The following DLG2 variants were observed in gnomAD, a reference collection of about 807,000 sequenced individuals.
DLG2 encodes the protein disks large homolog 2.
A neutral mutation model predicts 132.5 loss-of-function variants in DLG2; 45 were observed. That is an observed-to-expected ratio of 0.34 (90% CI 0.27 to 0.44). The LOEUF (loss-of-function observed/expected upper bound fraction) is 0.44, where lower values mean the gene tolerates loss of function less well. Ranked by LOEUF, DLG2 falls within the 20% of genes least tolerant of loss-of-function variation. DLG2 has a pLI of 1.00. For missense variants in DLG2, 1,045 were observed against 1,196.9 expected (o/e 0.87, Z 1.87); for synonymous variants, 424 against 419.6 (o/e 1.01, Z -0.13).
intron 3 of DLG2, among the ~76,000 whole-genome samples, chr11:85,591,260 T>C (rs1054224616): frequency 6.6e-6 from 1 of 152,208 alleles, no homozygotes; most frequent in Non-Finnish European, 1.5e-5. Context: ...TCACCACTCT[T>C]GTTTCTCAAC....
chr11:83,856,286 A>C (rs746589381), intron 16 of DLG2, among the ~76,000 whole-genome samples: 3 of 152,170 alleles, frequency 2.0e-5, no homozygotes, highest in Non-Finnish European at 2.9e-5. Flanking sequence ...ATAGTGCTGC[A>C]ATGAACATAT....
chr11:84,794,414 T>C (rs1449970842), intron 6 of DLG2, among the ~76,000 whole-genome samples: 2 of 152,094 alleles, frequency 1.3e-5, no homozygotes, highest in African/African-American at 4.8e-5. Flanking sequence ...CAGTGGGAGC[T>C]GGGAACAGGC....
intron 11 of DLG2, among the ~76,000 whole-genome samples, chr11:84,020,368 T>C (rs1266758867): frequency 1.3e-5 from 2 of 152,184 alleles, no homozygotes; most frequent in African/African-American, 2.4e-5. Context: ...ATACATGCAG[T>C]ATACATTCAT....
chr11:84,081,002 A>T lies in DLG2; in HGVS notation c.749+17921T>A, dbSNP rs940774085. ...AGCAAAACTCTGTCTCAAAAAAAAA[A>T]AAAAAGGCATTTTTGCTTCTTTTTT... On this transcript the variant is annotated intron_variant, in intron 10 of 27. Coordinates refer to ENST00000376104, the MANE Select transcript of DLG2 (RefSeq NM_001142699.3). 4.1e-4 allele frequency among the ~76,000 whole-genome samples: 62 copies of T among 152,268 alleles called. No individual in the cohort carries two copies. The East Asian group carries it at 0.011, about 26-fold the overall frequency.
intron 9 of DLG2, among the ~76,000 whole-genome samples, chr11:84,134,124 T>C (rs2094517072): frequency 6.6e-6 from 1 of 152,024 alleles, no homozygotes; most frequent in African/African-American, 2.4e-5. Flanking sequence ...CTCAAGGAGC[T>C]CTAGTTGAGC....
Position 84,995,830 on chromosome 11 carries a change from G to A in DLG2, c.357+115831C>T, listed in dbSNP as rs142631161. On this transcript the variant is annotated intron_variant, in intron 6 of 27. Transcript: ENST00000376104. ...GGCTGAAGCCAGGTCCTGGGAAATCGTTAGCAATACAGACTATTCTCCCTG... is the reference window on the plus strand; with the variant it reads ...GGCTGAAGCCAGGTCCTGGGAAATCATTAGCAATACAGACTATTCTCCCTG... Among the ~76,000 whole-genome samples the A allele has an allele frequency of 3.1e-3, 468 of 152,214 alleles. 1 individual carries two copies. Among genetic ancestry groups the A allele is most frequent in the Non-Finnish European group, 5.1e-3 (345 of 68,006 alleles).
chr11:83,829,921 G>A (rs149471310), intron 17 of DLG2, among the ~76,000 whole-genome samples: 2,283 of 152,002 alleles, frequency 0.015, 25 homozygotes, highest in South Asian at 0.045. Flanking sequence ...GACAGGCCCC[G>A]GTGTGTGATG....
chr11:84,792,647 T>C (rs2153942116), intron 6 of DLG2, among the ~76,000 whole-genome samples: 1 of 152,218 alleles, frequency 6.6e-6, no homozygotes, highest in South Asian at 2.1e-4. Context: ...AGTTCAATAT[T>C]GGTAGGTTCT....
chr11:84,348,496 C>A (rs1043549390), intron 7 of DLG2, among the ~76,000 whole-genome samples: 3 of 152,138 alleles, frequency 2.0e-5, no homozygotes, highest in African/African-American at 7.2e-5. Flanking sequence ...GAATAAATAA[C>A]TTAGGTTTGT....
intron 6 of DLG2, among the ~76,000 whole-genome samples, chr11:84,806,261 T>G (rs1318582170): frequency 3.3e-5 from 5 of 151,844 alleles, no homozygotes; most frequent in Non-Finnish European, 7.4e-5. Context: ...AAAAAAGCAC[T>G]CAAAGAAAAC....
chr11:84,086,956 T>G (rs1378754539), intron 10 of DLG2, among the ~76,000 whole-genome samples: 2 of 152,234 alleles, frequency 1.3e-5, no homozygotes, highest in Non-Finnish European at 2.9e-5. Context: ...CTTAGCATGT[T>G]TTCAAGTTTC....
At chr11:84,141,448 T>C (rs1014820282) in intron 9 of DLG2, among the ~76,000 whole-genome samples, 8 of 152,248 alleles carry the variant, frequency 5.3e-5, no homozygotes, top group Admixed American at 3.3e-4. Flanking sequence ...ATCTGTTACA[T>C]ATATGCATAA....
chr11:84,073,773 T>C (rs2096788089), intron 10 of DLG2, among the ~76,000 whole-genome samples: 1 of 152,314 alleles, frequency 6.6e-6, no homozygotes, highest in South Asian at 2.1e-4. Flanking sequence ...AACTCAAGTA[T>C]ACCATGTGGC....
chr11:84,686,576 A>G (rs1406184130), intron 6 of DLG2, among the ~76,000 whole-genome samples: 1 of 151,682 alleles, frequency 6.6e-6, no homozygotes, highest in African/African-American at 2.4e-5. Context: ...TGATTAGGCA[A>G]TTGAACTATA....
chr11:84,581,675 G>A (rs550153637), intron 6 of DLG2, among the ~76,000 whole-genome samples: 23 of 152,024 alleles, frequency 1.5e-4, no homozygotes, highest in African/African-American at 4.8e-4. Flanking sequence ...TTGGGAGGCC[G>A]AGGTGGGCGG....
At chr11:83,681,261 C>T (rs964387368) in intron 18 of DLG2, among the ~76,000 whole-genome samples, 1 of 152,138 alleles carries the variant, frequency 6.6e-6, no homozygotes, top group African/African-American at 2.4e-5. Flanking sequence ...GTACAGCTTT[C>T]ACTTCTCTTT....
chr11:84,601,806 T>G (rs1470700906), intron 6 of DLG2, among the ~76,000 whole-genome samples: 1 of 152,012 alleles, frequency 6.6e-6, no homozygotes, highest in Non-Finnish European at 1.5e-5. Flanking sequence ...AGATAGAATA[T>G]TGGGAGAACA....
intron 11 of DLG2, among the ~76,000 whole-genome samples, chr11:84,029,653 T>A (rs971751552): frequency 1.3e-5 from 2 of 152,150 alleles, no homozygotes; most frequent in Non-Finnish European, 2.9e-5. Context: ...CAACTCTAAG[T>A]GGCAGGTCCC....
At chr11:85,549,506 G>C (rs531428877) in intron 3 of DLG2, among the ~76,000 whole-genome samples, 4 of 152,178 alleles carry the variant, frequency 2.6e-5, no homozygotes, top group African/African-American at 9.6e-5. Context: ...AATTGTACAA[G>C]TATGAAAAAA....
Sources: allele counts gnomAD v4.1 joint callset (sites outside exome capture counted in the v4.1 genomes callset), GRCh38; gene constraint gnomAD v4.1.1; transcripts MANE v1.5; gene names NCBI Gene and HGNC (gene_info 2026-07-23, HGNC 2026-07-21).